Variants in TNFSF4 observed in about 807,000 individuals in gnomAD.
TNFSF4 encodes TNF superfamily member 4.
TNFSF4 carries 4 observed loss-of-function variants against 7.3 expected under a neutral mutation model. The observed-to-expected ratio is 0.55, with a 90% CI of 0.27 to 1.25. The LOEUF is 1.25. Among genes scored for constraint, TNFSF4 ranks in the 50% most tolerant of loss-of-function variants. The pLI is 0.12. For missense variants in TNFSF4, 181 were observed against 208.8 expected, an observed-to-expected ratio of 0.87 and a Z score of 0.82; for synonymous variants, 76 against 83.7, an observed-to-expected ratio of 0.91 and a Z score of 0.50.
chr1:173,379,740 T>A, the TNFSF4 span, among the ~76,000 whole-genome samples: 1 of 152,136 alleles, frequency 6.6e-6, no homozygotes, highest in Non-Finnish European at 1.5e-5. Context: ...CAAACCTTGG[T>A]GGTTCAGAGA....
the TNFSF4 span, among the ~76,000 whole-genome samples, chr1:173,247,065 G>C: frequency 6.6e-6 from 1 of 152,048 alleles, no homozygotes; most frequent in Non-Finnish European, 1.5e-5. Context: ...CCTTGTCTCA[G>C]AAAAAGATGA....
chr1:173,281,003 C>G, the TNFSF4 span, among the ~76,000 whole-genome samples: 1 of 151,990 alleles, frequency 6.6e-6, no homozygotes, highest in African/African-American at 2.4e-5. Flanking sequence ...ACTTGAAATA[C>G]TGGAAAAGAG....
At chr1:173,359,674 T>C in the TNFSF4 span, among the ~76,000 whole-genome samples, 1 of 152,140 alleles carries the variant, frequency 6.6e-6, no homozygotes, top group Non-Finnish European at 1.5e-5. Flanking sequence ...TTATTTTCCT[T>C]CATGCTTCCT....
chr1:173,252,300 T>C, the TNFSF4 span, among the ~76,000 whole-genome samples: 3 of 152,194 alleles, frequency 2.0e-5, no homozygotes, highest in South Asian at 6.2e-4. Context: ...CAATTTTCAA[T>C]AATTATGTTG....
chr1:173,205,530 C>G (rs909456282), intron 1 of TNFSF4: 3 of 1,369,276 alleles, frequency 2.2e-6, no homozygotes, highest in Admixed American at 3.0e-5. Context: ...ATCAGTTAGC[C>G]TTGAATGGAG....
chr1:173,181,061 T>A (rs1218938494), downstream of TNFSF4, among the ~76,000 whole-genome samples: 8 of 152,226 alleles, frequency 5.3e-5, no homozygotes, highest in Non-Finnish European at 8.8e-5. Flanking sequence ...CCTTAAGGAA[T>A]GATCATAGGA....
At chr1:173,240,196 C>T in the TNFSF4 span, among the ~76,000 whole-genome samples, 1 of 152,056 alleles carries the variant, frequency 6.6e-6, no homozygotes, top group African/African-American at 2.4e-5. Flanking sequence ...AATAAGTACA[C>T]AGAATTGAGT....
the TNFSF4 span, among the ~76,000 whole-genome samples, chr1:173,230,147 A>G: frequency 6.6e-6 from 1 of 152,140 alleles, no homozygotes; most frequent in South Asian, 2.1e-4. Flanking sequence ...TCAGCACCAC[A>G]CCACACTTAT....
At chr1:173,281,966 A>T in the TNFSF4 span, among the ~76,000 whole-genome samples, 1 of 152,160 alleles carries the variant, frequency 6.6e-6, no homozygotes, top group Admixed American at 6.6e-5. Flanking sequence ...CAACCTCCAC[A>T]CAATCTTCTT....
In TNFSF4 at chr1:173,184,415, G is replaced by A. The variant is rs1353360236; in HGVS notation, c.*2101C>T. 1.3e-5 allele frequency: 2 copies of A among 152,156 alleles called. No individual in the cohort carries two copies. Among genetic ancestry groups the A allele is most frequent in the African/African-American group, 2.4e-5 (1 of 41,426 alleles). 9.4% of individuals were successfully genotyped at this position (152,156 alleles called of 1,614,324 possible). The stretch of plus-strand genomic sequence containing the variant: ...GCTGGTGCATAGCAGAAATATCCCT[G>A]TGTGGTTGCAGAGGCCAACATGGGA... On this transcript the variant is annotated 3_prime_UTR_variant, in exon 3 of 3. Transcript: ENST00000281834.
At chr1:173,373,526 C>T in the TNFSF4 span, among the ~76,000 whole-genome samples, 2,577 of 152,230 alleles carry the variant, frequency 0.017, 66 homozygotes, top group African/African-American at 0.059. Context: ...TACTTAAGAC[C>T]CTCCACCAAA....
the TNFSF4 span, among the ~76,000 whole-genome samples, chr1:173,299,624 G>T: frequency 6.6e-6 from 1 of 151,916 alleles, no homozygotes; most frequent in African/African-American, 2.4e-5. Flanking sequence ...ACTCATAAGT[G>T]CTTTTTGTAT....
At chr1:173,400,036 T>C in the TNFSF4 span, among the ~76,000 whole-genome samples, 1 of 152,384 alleles carries the variant, frequency 6.6e-6, no homozygotes, top group Middle Eastern at 3.4e-3. Context: ...TGCGGATTTG[T>C]GTTCCCTGAA....
the TNFSF4 span, among the ~76,000 whole-genome samples, chr1:173,316,565 C>A: frequency 6.6e-6 from 1 of 152,078 alleles, no homozygotes; most frequent in East Asian, 1.9e-4. Flanking sequence ...AAACATCTAT[C>A]AAGGATTTAT....
the TNFSF4 span, among the ~76,000 whole-genome samples, chr1:173,258,480 G>A: frequency 5.9e-5 from 9 of 152,240 alleles, no homozygotes; most frequent in East Asian, 1.9e-4. Flanking sequence ...TGCAACCTGC[G>A]GATCAGGAGA....
the TNFSF4 span, among the ~76,000 whole-genome samples, chr1:173,386,083 A>G: frequency 1.3e-5 from 2 of 152,202 alleles, no homozygotes; most frequent in Admixed American, 6.5e-5. Context: ...TGCCATTTGC[A>G]TCACAGGCCC....
In TNFSF4 at chr1:173,185,346, A is replaced by G. The variant is rs1435836421; in HGVS notation, c.*1170T>C. 6.6e-6 allele frequency: 1 copy of G among 152,236 alleles called. No homozygotes were observed. Among genetic ancestry groups the G allele is most frequent in the African/African-American group, 2.4e-5 (1 of 41,462 alleles). 9.4% of individuals were successfully genotyped at this position (152,236 alleles called of 1,614,324 possible). On this transcript the variant is annotated 3_prime_UTR_variant, in exon 3 of 3. Transcript: ENST00000281834. ...AGTTAAGGGGACATTTCAACTAAAC[A>G]TAAGGGGATACTATTCCATTGAAGC...
intron 1 of TNFSF4, among the ~76,000 whole-genome samples, chr1:173,191,689 G>C (rs1649485709): frequency 6.6e-6 from 1 of 152,240 alleles, no homozygotes; most frequent in South Asian, 2.1e-4. Flanking sequence ...TTTGGAGTCA[G>C]ATTTAGTTCA....
chr1:173,260,181 A>G, the TNFSF4 span, among the ~76,000 whole-genome samples: 1 of 152,148 alleles, frequency 6.6e-6, no homozygotes. Flanking sequence ...TTTGGGGGCC[A>G]ATATTCAACA....
Sources: allele counts gnomAD v4.1 joint callset (sites outside exome capture counted in the v4.1 genomes callset), GRCh38; gene constraint gnomAD v4.1.1; transcripts MANE v1.5; gene names NCBI Gene and HGNC (gene_info 2026-07-23, HGNC 2026-07-21).